The following LSM3 variants were observed in gnomAD, a reference collection of about 807,000 sequenced individuals.
LSM3 encodes the protein LSM3 homolog, U6 small nuclear RNA and mRNA degradation associated.
In LSM3, 14 loss-of-function variants were observed where a neutral mutation model predicts 15.4. The observed-to-expected ratio is 0.91, with a 90% confidence interval of 0.60 to 1.42. The LOEUF is 1.42. Among genes scored for constraint, LSM3 ranks in the 40% most tolerant of loss-of-function variants. The pLI is 0.00. For synonymous variants in LSM3, 46 were observed against 45.1 expected, an observed-to-expected ratio of 1.02 and a Z score of -0.08; for missense variants, 88 against 127.9, an observed-to-expected ratio of 0.69 and a Z score of 1.50.
rs1039880640 is a variant in LSM3, at chr3:14,198,346, A to C, written c.*230A>C. 2 of 507,130 alleles carry C rather than the reference A, an allele frequency of 3.9e-6. No homozygotes were observed. The highest frequency in any genetic ancestry group is 7.0e-6 in the Non-Finnish European group (2 of 286,972). The allele number at this position is 507,130 out of a possible 1,614,324, so 31.4% of individuals were successfully genotyped here. On this transcript the variant is annotated 3_prime_UTR_variant, in exon 4 of 4. Transcript: ENST00000306024. Reference sequence around the variant, plus strand: ...AATAAATATGACCACCAAGATGCAGAACTCTTTCAGGACTTCTTTTGCTCC... The same window carrying C: ...AATAAATATGACCACCAAGATGCAGCACTCTTTCAGGACTTCTTTTGCTCC...
At position 14,200,245 on chromosome 3, in the gene LSM3, T is replaced by C. The variant is rs1381896383; in HGVS notation, c.*2129T>C. Reference sequence around the variant, plus strand: ...AGGGGAGGGACAATAAAAGGTTAACTGCAGAATAGCCACCTATGTGTCAGG... The same window carrying C: ...AGGGGAGGGACAATAAAAGGTTAACCGCAGAATAGCCACCTATGTGTCAGG... On this transcript the variant is annotated 3_prime_UTR_variant, in exon 4 of 4. Coordinates refer to ENST00000306024, the MANE Select transcript of LSM3 (RefSeq NM_014463.3). The C allele has an allele frequency of 1.3e-5, 2 of 152,372 alleles. No individual in the cohort carries two copies. Among genetic ancestry groups the C allele is most frequent in the South Asian group, 2.1e-4 (1 of 4,822 alleles). 9.4% of individuals were successfully genotyped at this position (152,372 alleles called of 1,614,324 possible). A position where few individuals can be genotyped will look rare whatever the true frequency, so the allele number is the denominator to read the frequency against.
intron 3 of LSM3, among the ~76,000 whole-genome samples, chr3:14,190,833 G>A (rs569241017): frequency 6.6e-6 from 1 of 152,314 alleles, no homozygotes; most frequent in South Asian, 2.1e-4. Flanking sequence ...ATGTTGAATA[G>A]GAGTGGTGAG....
At chr3:14,197,900 T>C in intron 3 of LSM3, 136 bp from the exon 4 acceptor site, 1 of 673,300 alleles carries the variant, frequency 1.5e-6, no homozygotes, top group Non-Finnish European at 2.6e-6. Context: ...TTCTTGGTGC[T>C]ACCAAGGGAA....
chr3:14,185,552 G>C (rs72624480), intron 3 of LSM3, among the ~76,000 whole-genome samples: 2 of 152,228 alleles, frequency 1.3e-5, no homozygotes, highest in East Asian at 1.9e-4. Flanking sequence ...AATCTATCAT[G>C]AGTTGTTGTT....
chr3:14,186,310 C>T (rs958876592), intron 3 of LSM3, among the ~76,000 whole-genome samples: 2 of 152,244 alleles, frequency 1.3e-5, no homozygotes, highest in Non-Finnish European at 2.9e-5. Context: ...CCCTTGCTTA[C>T]CACCTTTTTA....
chr3:14,181,478 G>A, intron 1 of LSM3, 82 bp from the exon 2 acceptor site: 1 of 841,078 alleles, frequency 1.2e-6, no homozygotes, highest in Non-Finnish European at 2.0e-6. Context: ...TAAATAACTT[G>A]CCCATGGTCA....
At chr3:14,190,645 C>T (rs1038722026) in intron 3 of LSM3, among the ~76,000 whole-genome samples, 2 of 152,142 alleles carry the variant, frequency 1.3e-5, no homozygotes, top group Non-Finnish European at 2.9e-5. Context: ...GATTTTGTAT[C>T]CTGAGACTTC....
chr3:14,183,652 TG>T (rs1317946610), intron 2 of LSM3, among the ~76,000 whole-genome samples: 1 of 152,146 alleles, frequency 6.6e-6, no homozygotes, highest in Non-Finnish European at 1.5e-5. Context: ...AGATAACAAG[TG>T]GGGTGGAGAC....
intron 3 of LSM3, among the ~76,000 whole-genome samples, chr3:14,191,301 A>C (rs1697137421): frequency 6.6e-6 from 1 of 152,216 alleles, no homozygotes; most frequent in Non-Finnish European, 1.5e-5. Flanking sequence ...GCCTCATAAA[A>C]TGAGTTAGGG....
intron 3 of LSM3, among the ~76,000 whole-genome samples, chr3:14,185,951 TCAC>T (rs1697084700): frequency 1.3e-5 from 2 of 152,132 alleles, no homozygotes; most frequent in South Asian, 4.1e-4. Context: ...TCTGACTGTG[TCAC>T]CCAGGCTGGA....
intron 2 of LSM3, among the ~76,000 whole-genome samples, chr3:14,182,643 T>C (rs1360908070): frequency 6.6e-6 from 1 of 152,244 alleles, no homozygotes; most frequent in African/African-American, 2.4e-5. Context: ...GTATTGCTAC[T>C]CTACCCTAAA....
chr3:14,197,475 A>C (rs951930667), intron 3 of LSM3, among the ~76,000 whole-genome samples: 2 of 152,232 alleles, frequency 1.3e-5, no homozygotes, highest in African/African-American at 4.8e-5. Context: ...CATATGTGTG[A>C]CCACAGTAGC....
At chr3:14,194,643 A>G (rs938302081) in intron 3 of LSM3, among the ~76,000 whole-genome samples, 51 of 152,212 alleles carry the variant, frequency 3.4e-4, no homozygotes, top group Non-Finnish European at 5.0e-4. Flanking sequence ...CTATTTCATT[A>G]CAAGGACTGC....
intron 3 of LSM3, among the ~76,000 whole-genome samples, chr3:14,187,222 G>A (rs1015399873): frequency 2.0e-5 from 3 of 152,152 alleles, no homozygotes; most frequent in Admixed American, 6.5e-5. Context: ...ATTTCTCTGG[G>A]TGGGGTGTCT....
At chr3:14,183,461 C>T (rs1444222706) in intron 2 of LSM3, among the ~76,000 whole-genome samples, 2 of 152,190 alleles carry the variant, frequency 1.3e-5, no homozygotes, top group Non-Finnish European at 2.9e-5. Flanking sequence ...ATGTGGTCTA[C>T]TGTGTGCCTT....
rs1352708722 is a variant in LSM3, at chr3:14,181,667, A to G, written c.129A>G (p.Leu43=). 1.9e-6 allele frequency: 3 copies of G among 1,605,656 alleles called. No individual in the cohort carries two copies. The stretch of plus-strand genomic sequence containing the variant: ...ATGACCGAGAGCTTCGAGGCAGATT[A>G]CATGTAAGTAAATTTATCAAGTTAC... ...MRNDRELRGR[L]HAYDQHLNMI... The change falls in exon 2 of 4, where the codon TTA becomes TTG. Residue 43 remains leucine (L), a synonymous_variant. Transcript: ENST00000306024.
chr3:14,197,616 A>T (rs538558829), intron 3 of LSM3, among the ~76,000 whole-genome samples: 2 of 152,250 alleles, frequency 1.3e-5, no homozygotes, highest in African/African-American at 4.8e-5. Context: ...GGCTTCACCT[A>T]TCAGTGGCTC....
At chr3:14,180,857 TAA>T (rs34127386) in intron 1 of LSM3, among the ~76,000 whole-genome samples, 1,849 of 64,662 alleles carry the variant, frequency 0.029, 88 homozygotes, top group African/African-American at 0.087. Flanking sequence ...TTTTTTTTTT[TAA>T]AAAAAAAAAA....
intron 2 of LSM3, 140 bp downstream of exon 2, chr3:14,181,810 A>G: frequency 1.7e-6 from 1 of 580,050 alleles, no homozygotes; most frequent in Non-Finnish European, 3.1e-6. Context: ...CATAAGCCAA[A>G]TAAAGCGGCA....
Sources: allele counts gnomAD v4.1 joint callset (sites outside exome capture counted in the v4.1 genomes callset), GRCh38; gene constraint gnomAD v4.1.1; transcripts MANE v1.5; gene names NCBI Gene and HGNC (gene_info 2026-07-23, HGNC 2026-07-21).